DENND1B: variants seen among roughly 807,000 people sequenced by gnomAD.
DENND1B encodes the protein DENN domain containing 1B.
In DENND1B, 59 loss-of-function variants were observed where a neutral mutation model predicts 90.1. The observed-to-expected ratio is 0.65, with a 90% CI of 0.53 to 0.81. DENND1B has a LOEUF of 0.81. DENND1B is among the 40% of genes least tolerant of loss of function. The pLI is 0.00. For missense variants in DENND1B, 862 were observed against 912.6 expected (o/e 0.94, Z 0.71); for synonymous variants, 337 against 324.6 (o/e 1.04, Z -0.41).
At chr1:197,571,939 G>C (rs1207539706) in intron 15 of DENND1B, among the ~76,000 whole-genome samples, 1 of 152,084 alleles carries the variant, frequency 6.6e-6, no homozygotes, top group African/African-American at 2.4e-5. Flanking sequence ...ATCTAAAGGA[G>C]GGATCAGTTC....
At chr1:197,571,167 T>C (rs1351375784) in intron 15 of DENND1B, among the ~76,000 whole-genome samples, 1 of 152,162 alleles carries the variant, frequency 6.6e-6, no homozygotes. Flanking sequence ...AATTGGACTT[T>C]TGCCACCTCT....
At chr1:197,670,642 T>C (rs191209888) in intron 5 of DENND1B, among the ~76,000 whole-genome samples, 107 of 152,130 alleles carry the variant, frequency 7.0e-4, no homozygotes, top group Middle Eastern at 3.4e-3. Context: ...CAAAAATGCA[T>C]TGAGAAAAAT....
At chr1:197,770,732 A>C (rs1162178974) in intron 2 of DENND1B, among the ~76,000 whole-genome samples, 9 of 141,990 alleles carry the variant, frequency 6.3e-5, no homozygotes, top group East Asian at 3.9e-4. Context: ...CTATAAATAT[A>C]TATAAATATA....
In DENND1B at chr1:197,510,982, A is replaced by G; in HGVS notation, c.1816-10T>C. 1 of 1,480,608 alleles carries G rather than the reference A, an allele frequency of 6.8e-7. No homozygotes were observed. The allele number at this position is 1,480,608 out of a possible 1,614,324, so 91.7% of individuals were successfully genotyped here. ...GAGCATTAGATTTATTCTGAAAAAA[A>G]GAAGAAACAACAAACTCAGAAAACT... is the stretch of plus-strand genomic sequence containing the variant. On this transcript the variant is annotated splice_polypyrimidine_tract_variant and intron_variant, in intron 22 of 22. Coordinates refer to ENST00000620048, the MANE Select transcript of DENND1B (RefSeq NM_001195215.2).
intron 2 of DENND1B, chr1:197,757,200 A>C (rs1423844959): frequency 1.3e-5 from 2 of 152,124 alleles, no homozygotes; most frequent in African/African-American, 4.8e-5. Flanking sequence ...GAGGATCATA[A>C]CTTTTCTCAT....
At chr1:197,736,145 T>TAAAA in intron 2 of DENND1B, 2 of 502,532 alleles carry the variant, frequency 4.0e-6, no homozygotes, top group South Asian at 2.8e-5. Flanking sequence ...ATATTGGACT[T>TAAAA]AAAAAAAAAA....
intron 3 of DENND1B, 111 bp downstream of exon 3, chr1:197,714,920 A>G (rs1660493527): frequency 1.1e-5 from 9 of 783,116 alleles, no homozygotes; most frequent in Non-Finnish European, 1.9e-5. Flanking sequence ...AGAGAAAATA[A>G]TTTTAGCAAT....
intron 20 of DENND1B, among the ~76,000 whole-genome samples, chr1:197,523,325 T>C (rs1196081235): frequency 6.6e-6 from 1 of 152,118 alleles, no homozygotes; most frequent in Non-Finnish European, 1.5e-5. Context: ...AGAGGTCTAC[T>C]ACCACTGAGC....
chr1:197,557,796 G>A (rs1671836002), intron 15 of DENND1B, among the ~76,000 whole-genome samples: 1 of 151,710 alleles, frequency 6.6e-6, no homozygotes, highest in South Asian at 2.1e-4. Context: ...TCCCCCAAGT[G>A]GAGTTGGTTC....
intron 6 of DENND1B, among the ~76,000 whole-genome samples, chr1:197,657,333 G>T (rs1447787525): frequency 4.6e-5 from 7 of 152,112 alleles, no homozygotes; most frequent in Non-Finnish European, 8.8e-5. Context: ...GTTCCAACAA[G>T]TACTTCTCTA....
intron 2 of DENND1B, among the ~76,000 whole-genome samples, chr1:197,736,760 T>C (rs76010531): frequency 3.2e-4 from 49 of 152,352 alleles, no homozygotes; most frequent in African/African-American, 1.2e-3. Context: ...ATTCCTGTTG[T>C]ACTGGAATGT....
chr1:197,700,671 G>A (rs902382149), intron 3 of DENND1B, among the ~76,000 whole-genome samples: 1 of 152,120 alleles, frequency 6.6e-6, no homozygotes, highest in Non-Finnish European at 1.5e-5. Context: ...CAGAATGGGA[G>A]AAAATTTTTG....
intron 20 of DENND1B, among the ~76,000 whole-genome samples, chr1:197,523,719 C>T (rs537344090): frequency 1.3e-5 from 2 of 152,208 alleles, no homozygotes; most frequent in East Asian, 1.9e-4. Flanking sequence ...GTTCATTTTC[C>T]GATGGACTCA....
chr1:197,696,443 T>C (rs1271924109), intron 3 of DENND1B, among the ~76,000 whole-genome samples: 1 of 151,540 alleles, frequency 6.6e-6, no homozygotes, highest in Non-Finnish European at 1.5e-5. Context: ...CAGTATATAC[T>C]GAAATTTAAT....
chr1:197,682,664 T>C (rs1206463748), intron 3 of DENND1B, among the ~76,000 whole-genome samples: 5 of 151,760 alleles, frequency 3.3e-5, no homozygotes, highest in African/African-American at 4.8e-5. Flanking sequence ...CCTATGTAAA[T>C]AGAGAAATGA....
At chr1:197,596,564 A>G (rs1413698723) in intron 13 of DENND1B, among the ~76,000 whole-genome samples, 2 of 151,984 alleles carry the variant, frequency 1.3e-5, no homozygotes, top group Non-Finnish European at 2.9e-5. Context: ...CATATAACAA[A>G]ATAGTCATTT....
At chr1:197,765,417 T>C (rs1655585313) in intron 2 of DENND1B, among the ~76,000 whole-genome samples, 1 of 152,198 alleles carries the variant, frequency 6.6e-6, no homozygotes, top group Non-Finnish European at 1.5e-5. Context: ...ACTCTAAACA[T>C]GTCTATTGCT....
At chr1:197,552,051 G>A (rs1321168695) in intron 16 of DENND1B, among the ~76,000 whole-genome samples, 2 of 151,924 alleles carry the variant, frequency 1.3e-5, no homozygotes, top group Admixed American at 1.3e-4. Flanking sequence ...TTTCATGGTG[G>A]GAAAATGAAT....
intron 15 of DENND1B, among the ~76,000 whole-genome samples, chr1:197,557,858 A>G (rs963040357): frequency 6.6e-6 from 1 of 152,018 alleles, no homozygotes; most frequent in East Asian, 1.9e-4. Context: ...AGTAAAAGAG[A>G]TAAGAAAATT....
Sources: gnomAD v4.1 joint callset for allele counts (sites outside exome capture counted in the v4.1 genomes callset) on GRCh38, gnomAD v4.1.1 for gene constraint, MANE v1.5 for transcripts, NCBI Gene and HGNC (gene_info 2026-07-23, HGNC 2026-07-21) for gene names.